Variants in SGCZ observed in about 807,000 individuals in gnomAD.
SGCZ encodes the protein sarcoglycan zeta.
Under a neutral mutation model 41.3 loss-of-function variants are expected in SGCZ, and 40 were observed. The observed-to-expected ratio is 0.97, with a 90% CI of 0.75 to 1.26. The LOEUF is 1.26. Ranked by LOEUF, SGCZ falls within the 50% of genes most tolerant of loss-of-function variation. SGCZ has a pLI of 0.00. For synonymous variants in SGCZ, 206 were observed against 137.5 expected, an observed-to-expected ratio of 1.50 and a Z score of -3.49; for missense variants, 552 against 369.8, an observed-to-expected ratio of 1.49 and a Z score of -4.04.
chr8:15,220,235 T>A (rs1801546998), intron 1 of SGCZ, among the ~76,000 whole-genome samples: 1 of 152,200 alleles, frequency 6.6e-6, no homozygotes, highest in African/African-American at 2.4e-5. Flanking sequence ...ACTTCAAAAG[T>A]CAGTTTTGTA....
In SGCZ at chr8:14,309,601, T is replaced by A. The variant is rs1043562218; in HGVS notation, c.336+14502A>T. On this transcript the variant is annotated intron_variant, in intron 3 of 7. Transcript: ENST00000382080. ...AGGTTAGGACTTCATCCAAAGATAG[T>A]GACTGGTTATCAGTCCCACGCAGAC... 6 of 1,610,846 alleles carry A rather than the reference T, an allele frequency of 3.7e-6. No individual in the cohort carries two copies. In the African/African-American group the frequency reaches 6.7e-5, roughly 18 times the overall value.
chr8:14,238,353 G>A (rs577560062), intron 3 of SGCZ, among the ~76,000 whole-genome samples: 1 of 152,062 alleles, frequency 6.6e-6, no homozygotes, highest in Non-Finnish European at 1.5e-5. Context: ...TGACTGAGTA[G>A]ATAAAAAAAT....
Position 14,309,409 on chromosome 8 carries a change from G to C in SGCZ, c.336+14694C>G, listed in dbSNP as rs1377052688. 3 of 1,606,568 alleles carry C rather than the reference G, an allele frequency of 1.9e-6. No individual in the cohort carries two copies. In the Admixed American group the frequency reaches 5.0e-5, roughly 27 times the overall value. On this transcript the variant is annotated intron_variant, in intron 3 of 7. Transcript: ENST00000382080. ...GACGAAGTGACCTCGATCGCTTTTG[G>C]CTAGAGACACTTCTGTGCCTTATTG... is the stretch of plus-strand genomic sequence containing the variant.
At chr8:14,263,059 TG>T (rs1406008987) in intron 3 of SGCZ, among the ~76,000 whole-genome samples, 1 of 152,228 alleles carries the variant, frequency 6.6e-6, no homozygotes, top group Non-Finnish European at 1.5e-5. Context: ...ATTTTGGAAT[TG>T]TTTCATGAAT....
chr8:14,776,455 C>T (rs1800403766), intron 1 of SGCZ, among the ~76,000 whole-genome samples: 1 of 152,012 alleles, frequency 6.6e-6, no homozygotes, highest in Admixed American at 6.6e-5. Context: ...TATAAATTAC[C>T]CAGTCTCGGA....
At chr8:14,700,095 C>G (rs1028475264) in intron 1 of SGCZ, among the ~76,000 whole-genome samples, 2 of 151,870 alleles carry the variant, frequency 1.3e-5, no homozygotes, top group African/African-American at 4.8e-5. Flanking sequence ...TCCAACAATC[C>G]CATTAAGGGC....
intron 2 of SGCZ, among the ~76,000 whole-genome samples, chr8:14,509,924 C>A (rs894917146): frequency 6.6e-6 from 1 of 151,920 alleles, no homozygotes; most frequent in Non-Finnish European, 1.5e-5. Context: ...CATGGGGGGA[C>A]ACGTCCCCCA....
intron 2 of SGCZ, among the ~76,000 whole-genome samples, chr8:14,370,302 G>C (rs7826450): frequency 0.19 from 29,441 of 151,832 alleles, 3,575 homozygotes; most frequent in Non-Finnish European, 0.28. Flanking sequence ...TGTTGGCTTG[G>C]TCAGCCATCT....
intron 1 of SGCZ, among the ~76,000 whole-genome samples, chr8:14,702,897 A>G (rs1308982435): frequency 7.5e-6 from 1 of 133,394 alleles, no homozygotes; most frequent in East Asian, 2.0e-4. Context: ...AGATAGATAG[A>G]CAGGCAGACA....
intron 1 of SGCZ, among the ~76,000 whole-genome samples, chr8:15,069,625 C>T (rs1206605542): frequency 6.6e-6 from 1 of 152,150 alleles, no homozygotes; most frequent in Admixed American, 6.5e-5. Flanking sequence ...ATCATGGTAG[C>T]CTAAAAGCAC....
intron 1 of SGCZ, among the ~76,000 whole-genome samples, chr8:14,778,341 G>C (rs1800477535): frequency 6.6e-6 from 1 of 152,104 alleles, no homozygotes; most frequent in South Asian, 2.1e-4. Flanking sequence ...GAGGACACTG[G>C]TCACTTGAGG....
At chr8:14,663,246 A>G (rs1018690126) in intron 1 of SGCZ, among the ~76,000 whole-genome samples, 1 of 152,182 alleles carries the variant, frequency 6.6e-6, no homozygotes, top group Admixed American at 6.5e-5. Flanking sequence ...AATTTAATTT[A>G]TTAGTTTCAC....
intron 1 of SGCZ, among the ~76,000 whole-genome samples, chr8:15,171,085 T>A (rs866923313): frequency 2.0e-5 from 3 of 152,318 alleles, no homozygotes; most frequent in Middle Eastern, 6.8e-3. Context: ...AGAAACAATT[T>A]TACCTAGACA....
intron 2 of SGCZ, among the ~76,000 whole-genome samples, chr8:14,484,204 G>T (rs1201947244): frequency 6.6e-6 from 1 of 152,038 alleles, no homozygotes; most frequent in Non-Finnish European, 1.5e-5. Flanking sequence ...ATGACGTTTG[G>T]ATGTGGAAAT....
chr8:14,407,211 G>C lies in SGCZ; in HGVS notation c.235-83007C>G, dbSNP rs184224470. Among the ~76,000 whole-genome samples, 845 of 151,874 alleles carry C rather than the reference G, an allele frequency of 5.6e-3. 5 individuals carry two copies. The highest frequency in any genetic ancestry group is 0.017 in the South Asian group (81 of 4,788). On this transcript the variant is annotated intron_variant, in intron 2 of 7. Transcript: ENST00000382080. ...AGCCTCCTGAGTAGCTGGGATTACA[G>C]GTGTGTGCCACCATGCCCAGCTAAT...
intron 1 of SGCZ, among the ~76,000 whole-genome samples, chr8:14,945,027 C>T (rs1163413135): frequency 1.3e-5 from 2 of 152,050 alleles, no homozygotes; most frequent in African/African-American, 2.4e-5. Flanking sequence ...AGAAGCCTCA[C>T]TTCCACTTCC....
chr8:15,160,165 T>C (rs1286736786), intron 1 of SGCZ, among the ~76,000 whole-genome samples: 1 of 152,166 alleles, frequency 6.6e-6, no homozygotes, highest in Non-Finnish European at 1.5e-5. Context: ...TCTTTTAAAC[T>C]GTCTCTGTGA....
chr8:15,186,152 C>G (rs1296346036), intron 1 of SGCZ, among the ~76,000 whole-genome samples: 1 of 150,526 alleles, frequency 6.6e-6, no homozygotes, highest in Non-Finnish European at 1.5e-5. Context: ...GTCCCAGCTA[C>G]TCGGGAGGCT....
At chr8:14,250,730 A>C (rs1799253701) in intron 3 of SGCZ, among the ~76,000 whole-genome samples, 1 of 152,136 alleles carries the variant, frequency 6.6e-6, no homozygotes, top group South Asian at 2.1e-4. Context: ...GCCTGACCTG[A>C]CAGAACAGCC....
Sources: gnomAD v4.1 joint callset for allele counts (sites outside exome capture counted in the v4.1 genomes callset) on GRCh38, gnomAD v4.1.1 for gene constraint, MANE v1.5 for transcripts, NCBI Gene and HGNC (gene_info 2026-07-23, HGNC 2026-07-21) for gene names.